The following CES1 variants were observed in gnomAD, a reference collection of about 807,000 sequenced individuals.
CES1 encodes the protein carboxylesterase 1.
A neutral mutation model predicts 53.0 loss-of-function variants in CES1; 50 were observed. The observed-to-expected ratio is 0.94, with a 90% CI of 0.75 to 1.19. The LOEUF (loss-of-function observed/expected upper bound fraction) is 1.19, where lower values mean the gene tolerates loss of function less well. Among genes scored for constraint, CES1 ranks in the 50% most tolerant of loss-of-function variants. The probability of loss-of-function intolerance (pLI) is 0.00; values close to 1 mark genes in which losing one functional copy is unlikely to be tolerated. For missense variants in CES1, 534 were observed against 538.0 expected (o/e 0.99, Z 0.07); for synonymous variants, 202 against 210.1 (o/e 0.96, Z 0.33).
Position 55,833,006 on chromosome 16 carries a change from C to G in CES1, c.50G>C (p.Trp17Ser), listed in dbSNP as rs778685649. 1 of 1,560,880 alleles carries G rather than the reference C, an allele frequency of 6.4e-7. No individual in the cohort carries two copies. Among genetic ancestry groups the G allele is most frequent in the Admixed American group, 1.7e-5 (1 of 59,344 alleles). ...ATTTTGATTTCAGAAGGACTCACCC[C>G]AAGCCGCGGAAGCAGAGAGAGTGGC... ...ILATLSASAA[W>S]AGHPSSPPVV... Residue 17 changes from tryptophan (W) to serine (S), a missense_variant and splice_region_variant, in exon 1 of 14, where the codon TGG becomes TCG. Physicochemically the swap from Trp to Ser is radical, Grantham distance 177. Transcript: ENST00000360526.
At chr16:55,816,113 T>C (rs1442564678) in intron 8 of CES1, among the ~76,000 whole-genome samples, 32 of 152,266 alleles carry the variant, frequency 2.1e-4, no homozygotes, top group African/African-American at 7.7e-4. Flanking sequence ...CATTCCCTGA[T>C]CCTGCTACTT....
Position 55,831,835 on chromosome 16 carries a change from A to G in CES1, c.52+1169T>C, listed in dbSNP as rs530731136. ...AGACCTAGGCGTGATTTTCGGGTTG[A>G]CCCTGGGCAAGTACATTTCCCTGTG... On this transcript the variant is annotated intron_variant, in intron 1 of 13. Transcript: ENST00000360526. Among the ~76,000 whole-genome samples, 144 of 150,828 alleles carry G rather than the reference A, an allele frequency of 9.5e-4. 1 individual carries two copies. In the South Asian group the frequency reaches 0.029, roughly 30 times the overall value.
In CES1 at chr16:55,811,012, T is replaced by TAACA. The variant is rs1567492264; in HGVS notation, c.1087-3_1087-2insTGTT. The TAACA allele has an allele frequency of 8.5e-6, 12 of 1,408,480 alleles. No homozygotes were observed. The highest frequency in any genetic ancestry group is 1.2e-5 in the South Asian group (1 of 81,340). The allele number at this position is 1,408,480 out of a possible 1,614,324, so 87.2% of individuals were successfully genotyped here. A position where few individuals can be genotyped will look rare whatever the true frequency, so the allele number is the denominator to read the frequency against. On this transcript the variant is annotated splice_polypyrimidine_tract_variant and splice_region_variant and intron_variant, in intron 9 of 13. Transcript: ENST00000360526. ...GGAGAGTGGATAGCTCATCAACTGCTAAAAAAAAAAAAAAGTTCAGCATTT... is the reference window on the plus strand; with the variant it reads ...GGAGAGTGGATAGCTCATCAACTGCTAACAAAAAAAAAAAAAAAGTTCAGCATTT...
At chr16:55,819,469 A>C in intron 7 of CES1, 66 bp downstream of exon 7, 20 of 1,135,138 alleles carry the variant, frequency 1.8e-5, no homozygotes, top group Non-Finnish European at 2.4e-5. Context: ...GGGCAAGAGG[A>C]CAGCTGAAAT....
At chr16:55,831,067 G>A (rs1383740699) in intron 1 of CES1, among the ~76,000 whole-genome samples, 1 of 152,158 alleles carries the variant, frequency 6.6e-6, no homozygotes, top group Non-Finnish European at 1.5e-5. Flanking sequence ...CCTGGTGAGG[G>A]AGCAGGGCAG....
rs2032747112 is a variant in CES1 at position 55,833,059 on chromosome 16, G to A, written c.-4C>T. ...GGATAAAGGCACGGAGCCACATCGT[G>A]GAAGGGCGACAGTTCTCGGGGCCTG... On this transcript the variant is annotated 5_prime_UTR_variant, in exon 1 of 14. Transcript: ENST00000360526. 7 of 1,560,514 alleles carry A rather than the reference G, an allele frequency of 4.5e-6. 1 individual carries two copies. The East Asian group carries it at 1.7e-4, about 37-fold the overall frequency.
At chr16:55,814,787 T>C (rs1310588615) in intron 8 of CES1, among the ~76,000 whole-genome samples, 1 of 152,228 alleles carries the variant, frequency 6.6e-6, no homozygotes, top group Non-Finnish European at 1.5e-5. Context: ...AGCCAATGAA[T>C]GACGAGCTAG....
At chr16:55,826,357 G>A (rs1403366700) in intron 2 of CES1, 62 bp from the exon 3 acceptor site, 18 of 1,595,024 alleles carry the variant, frequency 1.1e-5, no homozygotes, top group African/African-American at 4.0e-5. Context: ...TGTTTTCTAC[G>A]GCAGCGCCTT....
intron 1 of CES1, among the ~76,000 whole-genome samples, chr16:55,832,657 T>C (rs1448919006): frequency 6.6e-6 from 1 of 152,112 alleles, no homozygotes; most frequent in Non-Finnish European, 1.5e-5. Context: ...ATGCTCTTAA[T>C]ATTATGTTGA....
intron 2 of CES1, chr16:55,828,089 G>A (rs2032487277): frequency 6.5e-6 from 1 of 152,738 alleles, no homozygotes. Flanking sequence ...CTGCTGGAAA[G>A]CCTCCGAACA....
At chr16:55,832,355 T>C (rs1202249833) in intron 1 of CES1, among the ~76,000 whole-genome samples, 2 of 152,212 alleles carry the variant, frequency 1.3e-5, no homozygotes, top group African/African-American at 4.8e-5. Context: ...GGTCCTGATA[T>C]AGTGGCCTGA....
At chr16:55,815,800 GA>G (rs2031916367) in intron 8 of CES1, among the ~76,000 whole-genome samples, 1 of 152,320 alleles carries the variant, frequency 6.6e-6, no homozygotes, top group African/African-American at 2.4e-5. Flanking sequence ...GAACACCAGA[GA>G]CAGAGACCTT....
At chr16:55,831,873 T>C (rs1324210450) in intron 1 of CES1, among the ~76,000 whole-genome samples, 1 of 149,756 alleles carries the variant, frequency 6.7e-6, no homozygotes, top group Non-Finnish European at 1.5e-5. Context: ...AGTCTCAGTT[T>C]CTCTGTCTAT....
chr16:55,832,951 C>G (rs2032741069), intron 1 of CES1, 53 bp downstream of exon 1: 1 of 1,428,162 alleles, frequency 7.0e-7, no homozygotes, highest in African/African-American at 1.4e-5. Flanking sequence ...CCACCTCGGC[C>G]CAGAACAAGG....
At chr16:55,816,895 C>T (rs1239042760) in intron 8 of CES1, 29 bp downstream of exon 8, 10 of 1,612,110 alleles carry the variant, frequency 6.2e-6, no homozygotes, top group Non-Finnish European at 8.5e-6. Flanking sequence ...AGACTCAAAA[C>T]CCGTAATCCA....
chr16:55,826,168 T>C lies in CES1; in HGVS notation c.388A>G (p.Lys130Glu), dbSNP rs1184420349. The change falls in exon 3 of 14, where the codon AAG becomes GAG. Residue 130 changes from lysine (K) to glutamate (E), a missense_variant. Lys to Glu is a moderately conservative substitution (Grantham distance 56). This residue lies in a region of CES1 where 164 missense variants were observed against 162.4 expected (regional missense o/e 1.01). Transcript: ENST00000360526. ...CAACTTACCGGCAGCCTGTTTTTCT[T>C]GGTCAAGTCAGCAGGAGTGTAAATA... ...LNIYTPADLT[K>E]KNRLPVMVWI... 7.4e-6 allele frequency: 12 copies of C among 1,613,882 alleles called. No individual in the cohort carries two copies. Among genetic ancestry groups the C allele is most frequent in the Admixed American group, 1.7e-5 (1 of 60,000 alleles).
chr16:55,826,807 C>G (rs2032436341), intron 2 of CES1, among the ~76,000 whole-genome samples: 1 of 152,172 alleles, frequency 6.6e-6, no homozygotes, highest in South Asian at 2.1e-4. Flanking sequence ...CCTGCCTCTC[C>G]CAGGCAGTTG....
chr16:55,825,414 T>C (rs1171288078), intron 3 of CES1, among the ~76,000 whole-genome samples: 2 of 152,344 alleles, frequency 1.3e-5, no homozygotes, highest in Non-Finnish European at 2.9e-5. Context: ...AACCTGCAGC[T>C]GGCGGGCTGC....
intron 6 of CES1, 60 bp from the exon 7 acceptor site, chr16:55,819,699 A>G (rs2032094473): frequency 1.4e-6 from 2 of 1,405,754 alleles, no homozygotes; most frequent in Admixed American, 1.7e-5. Context: ...TCCATCAAAG[A>G]GGAAAGTGGC....
Sources: gnomAD v4.1 joint callset for allele counts (sites outside exome capture counted in the v4.1 genomes callset) on GRCh38, gnomAD v4.1.1 for gene constraint, gnomAD v4.1.1 regional missense constraint, MANE v1.5 for transcripts, NCBI Gene and HGNC (gene_info 2026-07-23, HGNC 2026-07-21) for gene names.